The following MCF2 variants were observed in gnomAD, a reference collection of about 807,000 sequenced individuals.
The protein encoded by MCF2 is proto-oncogene DBL.
Under a neutral mutation model 82.5 loss-of-function variants are expected in MCF2, and 44 were observed. The ratio of observed to expected loss-of-function variants is 0.53; its 90% CI spans 0.42 to 0.69. The LOEUF is 0.69. Among genes scored for constraint, MCF2 ranks in the 30% least tolerant of loss-of-function variants. The probability of loss-of-function intolerance (pLI) is 0.00; values close to 1 mark genes in which losing one functional copy is unlikely to be tolerated. For synonymous variants in MCF2, 217 were observed against 224.9 expected (o/e 0.96, Z 0.32); for missense variants, 623 against 663.1 (o/e 0.94, Z 0.66).
chrX:139,612,427 C>T (rs988198961), intron 10 of MCF2, among the ~76,000 whole-genome samples: 1 of 110,817 alleles, frequency 9.0e-6, no homozygotes, highest in Non-Finnish European at 1.9e-5. Flanking sequence ...CTGTCAATAT[C>T]TCCCATTCTC....
At chrX:139,691,484 T>G (rs1203965274) in intron 1 of MCF2, among the ~76,000 whole-genome samples, 1 of 112,022 alleles carries the variant, frequency 8.9e-6, no homozygotes, top group African/African-American at 3.2e-5. Context: ...TTCCCACTTC[T>G]CCGGGGACGC....
intron 1 of MCF2, among the ~76,000 whole-genome samples, chrX:139,641,788 T>C (rs1933583665): frequency 9.0e-6 from 1 of 111,590 alleles, no homozygotes; most frequent in East Asian, 2.8e-4. Context: ...GAATTTACTA[T>C]ATGAATAAAT....
chrX:139,591,440 A>G (rs865899108), intron 19 of MCF2, among the ~76,000 whole-genome samples: 53 of 110,996 alleles, frequency 4.8e-4, no homozygotes, highest in African/African-American at 1.6e-3. Flanking sequence ...AAATCTAACC[A>G]TTATGTGTTG....
intron 16 of MCF2, among the ~76,000 whole-genome samples, chrX:139,601,938 C>T (rs2148426560): frequency 9.0e-6 from 1 of 111,358 alleles, no homozygotes; most frequent in African/African-American, 3.3e-5. Flanking sequence ...GCAAGACAAA[C>T]AGAAGGGTAG....
chrX:139,583,982 A>G (rs1928699773), intron 24 of MCF2, among the ~76,000 whole-genome samples: 1 of 111,125 alleles, frequency 9.0e-6, no homozygotes. Flanking sequence ...GTGAATATTA[A>G]TTGAGAAATC....
chrX:139,590,835 G>A (rs765174290), intron 19 of MCF2, among the ~76,000 whole-genome samples: 6 of 110,172 alleles, frequency 5.4e-5, no homozygotes, highest in Non-Finnish European at 9.5e-5. Flanking sequence ...TAGGGAGATC[G>A]CCATACCAAG....
chrX:139,683,615 A>T (rs920740980), intron 1 of MCF2, among the ~76,000 whole-genome samples: 8 of 112,822 alleles, frequency 7.1e-5, no homozygotes, highest in African/African-American at 2.6e-4. Flanking sequence ...AAAGATAGGT[A>T]TTATGATAGA....
intron 1 of MCF2, among the ~76,000 whole-genome samples, chrX:139,678,457 A>G (rs993704377): frequency 8.9e-6 from 1 of 112,033 alleles, no homozygotes; most frequent in African/African-American, 3.2e-5. Context: ...CATAAAATAA[A>G]AAAACTGATT....
intron 1 of MCF2, among the ~76,000 whole-genome samples, chrX:139,676,915 T>C (rs369099941): frequency 1.3e-4 from 15 of 111,377 alleles, no homozygotes; most frequent in East Asian, 5.6e-4. Flanking sequence ...CAACAGGTGA[T>C]GATCAGGCAG....
chrX:139,661,843 T>C (rs1054520202), intron 1 of MCF2, among the ~76,000 whole-genome samples: 9 of 112,042 alleles, frequency 8.0e-5, no homozygotes, highest in Non-Finnish European at 1.5e-4. Flanking sequence ...ATATGACACA[T>C]ATGTATATAA....
chrX:139,631,979 G>A lies in MCF2; in HGVS notation c.171+356C>T, dbSNP rs73575881. Reference sequence around the variant, plus strand: ...GGACTAGCTCAGGATGTAAGTTCACGGGAGTTCAAATACATAAAACATACA... The same window carrying A: ...GGACTAGCTCAGGATGTAAGTTCACAGGAGTTCAAATACATAAAACATACA... On this transcript the variant is annotated intron_variant, in intron 2 of 24. Transcript: ENST00000370576. 6.4e-3 allele frequency among the ~76,000 whole-genome samples: 714 copies of A among 110,829 alleles called. 10 individuals carry two copies. The highest frequency in any genetic ancestry group is 0.022 in the African/African-American group (674 of 30,571).
intron 1 of MCF2, among the ~76,000 whole-genome samples, chrX:139,691,633 C>G (rs186128855): frequency 9.2e-6 from 1 of 109,206 alleles, no homozygotes; most frequent in East Asian, 2.9e-4. Context: ...GAGACCAGAG[C>G]TGCACGCCTG....
intron 1 of MCF2, among the ~76,000 whole-genome samples, chrX:139,689,681 C>A (rs941313939): frequency 9.3e-6 from 1 of 108,021 alleles, no homozygotes; most frequent in Non-Finnish European, 1.9e-5. Flanking sequence ...TACCATTCAC[C>A]CACCTATCCC....
chrX:139,706,569 G>A (rs757310349), intron 1 of MCF2, among the ~76,000 whole-genome samples: 1 of 109,836 alleles, frequency 9.1e-6, no homozygotes, highest in Admixed American at 9.8e-5. Context: ...AGAGGGTGCA[G>A]GGAGGTGGGG....
In MCF2 at chrX:139,630,326, CG is replaced by C. The variant is rs765007305; in HGVS notation, c.289-483del. Among the ~76,000 whole-genome samples, 11 of 110,862 alleles carry C rather than the reference CG, an allele frequency of 9.9e-5. No individual in the cohort carries two copies. The South Asian group carries it at 1.5e-3, about 15-fold the overall frequency. Reference sequence around the variant, plus strand: ...CAAACAAGGTGATAATTGAAGGAAACGGGGGAAAAACTAGTCACAACAACTC... The same window carrying C: ...CAAACAAGGTGATAATTGAAGGAAACGGGGAAAAACTAGTCACAACAACTC... On this transcript the variant is annotated intron_variant, in intron 3 of 24. Transcript: ENST00000370576.
At chrX:139,619,810 T>A in intron 6 of MCF2, 104 bp from the exon 10 acceptor site, 1 of 568,660 alleles carries the variant, frequency 1.8e-6, no homozygotes, top group Non-Finnish European at 2.6e-6. Context: ...ATGGAGAAAT[T>A]ACACATATAA....
At chrX:139,632,243 A>AATGACAC (rs1299030293) in intron 2 of MCF2, 92 bp downstream of exon 5, 3 of 713,087 alleles carry the variant, frequency 4.2e-6, no homozygotes, top group Non-Finnish European at 5.8e-6. Context: ...TTTTCTTTTA[A>AATGACAC]ATGACACATG....
intron 1 of MCF2, among the ~76,000 whole-genome samples, chrX:139,675,106 G>A (rs112015275): frequency 2.3e-3 from 253 of 112,023 alleles, no homozygotes; most frequent in Middle Eastern, 9.3e-3. Flanking sequence ...CCACATGATC[G>A]AATCAGCTAT....
exon 19 of MCF2, chrX:139,596,742 A>G: frequency 1.7e-6 from 2 of 1,207,950 alleles, no homozygotes; most frequent in Non-Finnish European, 2.2e-6. Context: ...ACCTTGCATT[A>G]TCATCTTGCC....
Sources: allele counts gnomAD v4.1 joint callset (sites outside exome capture counted in the v4.1 genomes callset), GRCh38; gene constraint gnomAD v4.1.1; transcripts MANE v1.5; gene names NCBI Gene and HGNC (gene_info 2026-07-23, HGNC 2026-07-21).